Variants in GNAQ observed in about 807,000 individuals in gnomAD.
GNAQ encodes guanine nucleotide-binding protein G(q) subunit alpha.
Under a neutral mutation model 43.9 loss-of-function variants are expected in GNAQ, and 8 were observed. That is an observed-to-expected ratio of 0.18 (90% CI 0.11 to 0.33). The LOEUF (loss-of-function observed/expected upper bound fraction) is 0.33. Among genes scored for constraint, GNAQ ranks in the 10% least tolerant of loss-of-function variants. GNAQ has a pLI of 1.00. For synonymous variants in GNAQ, 155 were observed against 170.7 expected (o/e 0.91, Z 0.71); for missense variants, 158 against 450.8 (o/e 0.35, Z 5.88).
At chr9:77,791,285 C>G (rs1826567296) in intron 5 of GNAQ, among the ~76,000 whole-genome samples, 1 of 152,038 alleles carries the variant, frequency 6.6e-6, no homozygotes, top group African/African-American at 2.4e-5. Context: ...AACAGAAAAT[C>G]AGAAAAATAA....
At chr9:77,799,621 A>G (rs1209937284) in intron 3 of GNAQ, among the ~76,000 whole-genome samples, 1 of 152,252 alleles carries the variant, frequency 6.6e-6, no homozygotes, top group Non-Finnish European at 1.5e-5. Context: ...TAAATCTACA[A>G]GATTCCTGGA....
intron 1 of GNAQ, among the ~76,000 whole-genome samples, chr9:77,991,201 G>GAA (rs1823502892): frequency 6.6e-6 from 1 of 152,166 alleles, no homozygotes; most frequent in African/African-American, 2.4e-5. Flanking sequence ...CAAAGCAGGT[G>GAA]GGTTTAAAAG....
chr9:78,012,624 G>C (rs1340444138), intron 1 of GNAQ, among the ~76,000 whole-genome samples: 1 of 151,972 alleles, frequency 6.6e-6, no homozygotes, highest in Non-Finnish European at 1.5e-5. Flanking sequence ...ATAAATAAAA[G>C]CATATAATTA....
At chr9:77,841,611 G>T (rs1021291227) in intron 2 of GNAQ, among the ~76,000 whole-genome samples, 1 of 152,136 alleles carries the variant, frequency 6.6e-6, no homozygotes, top group Non-Finnish European at 1.5e-5. Context: ...GAAGCTACAA[G>T]AATCATTATT....
chr9:77,956,773 T>C (rs941998888), intron 1 of GNAQ, among the ~76,000 whole-genome samples: 1 of 152,144 alleles, frequency 6.6e-6, no homozygotes, highest in Non-Finnish European at 1.5e-5. Context: ...GTACTCAACA[T>C]TGAATGAGAG....
At chr9:77,977,075 C>CT (rs1024739753) in intron 1 of GNAQ, among the ~76,000 whole-genome samples, 3 of 152,176 alleles carry the variant, frequency 2.0e-5, no homozygotes, top group South Asian at 2.1e-4. Context: ...CAGAGTACCC[C>CT]TTTTTATCTC....
intron 1 of GNAQ, among the ~76,000 whole-genome samples, chr9:77,971,888 T>A (rs116085452): frequency 0.064 from 9,737 of 152,268 alleles, 349 homozygotes; most frequent in African/African-American, 0.083. Context: ...TATGTTGTAT[T>A]CCTAGGTATT....
chr9:77,838,290 C>T (rs922426941), intron 2 of GNAQ, among the ~76,000 whole-genome samples: 15 of 149,602 alleles, frequency 1.0e-4, no homozygotes, highest in East Asian at 7.9e-4. Flanking sequence ...ATTATAGGCA[C>T]GCACCACCAC....
chr9:77,947,243 G>C (rs776704595), intron 1 of GNAQ, among the ~76,000 whole-genome samples: 1 of 152,174 alleles, frequency 6.6e-6, no homozygotes. Flanking sequence ...GAATGAGGGG[G>C]AAGGGTGAGG....
At chr9:77,896,352 A>T (rs1047416889) in intron 2 of GNAQ, among the ~76,000 whole-genome samples, 1 of 152,190 alleles carries the variant, frequency 6.6e-6, no homozygotes, top group Admixed American at 6.5e-5. Context: ...AAACTCCCAT[A>T]AACCTTTCAA....
chr9:77,739,982 C>T (rs1168492165), intron 5 of GNAQ, among the ~76,000 whole-genome samples: 2 of 152,194 alleles, frequency 1.3e-5, no homozygotes, highest in African/African-American at 2.4e-5. Context: ...ACAAAGCACA[C>T]ATCAGCGCAT....
At chr9:77,862,931 C>A (rs1192038952) in intron 2 of GNAQ, among the ~76,000 whole-genome samples, 2 of 152,190 alleles carry the variant, frequency 1.3e-5, no homozygotes, top group Admixed American at 6.5e-5. Context: ...GTAATCCCAG[C>A]ACTTTGGGAG....
At position 77,772,810 on chromosome 9, in the gene GNAQ, G is replaced by T. The variant is rs113017788; in HGVS notation, c.735+21653C>A. ...AACAAATATATGTTATAGATCAAGGGTGTCCAATCTCTTGACTTCCCTGGG... is the reference window on the plus strand; with the variant it reads ...AACAAATATATGTTATAGATCAAGGTTGTCCAATCTCTTGACTTCCCTGGG... On this transcript the variant is annotated intron_variant, in intron 5 of 6. Coordinates refer to ENST00000286548, the MANE Select transcript of GNAQ (RefSeq NM_002072.5). Among the ~76,000 whole-genome samples, 849 of 152,260 alleles carry T rather than the reference G, an allele frequency of 5.6e-3. 1 individual carries two copies. The highest frequency in any genetic ancestry group is 0.019 in the African/African-American group (802 of 41,546).
chr9:77,876,183 T>C (rs1828120678), intron 2 of GNAQ, among the ~76,000 whole-genome samples: 1 of 152,208 alleles, frequency 6.6e-6, no homozygotes, highest in Non-Finnish European at 1.5e-5. Context: ...TCCACAAAGC[T>C]GGCCCCAAGC....
chr9:77,739,070 G>C (rs1486492813), intron 5 of GNAQ, among the ~76,000 whole-genome samples: 4 of 152,102 alleles, frequency 2.6e-5, no homozygotes, highest in African/African-American at 7.2e-5. Flanking sequence ...TTGGTTACAG[G>C]CTACCAAATA....
At chr9:77,810,712 GTGAAACAATCACTTCTATTATTTCA>G (rs1826905277) in intron 3 of GNAQ, among the ~76,000 whole-genome samples, 1 of 152,094 alleles carries the variant, frequency 6.6e-6, no homozygotes, top group South Asian at 2.1e-4. Context: ...CTATTATTTC[GTGAAACAATCACTTCTATTATTTCA>G]TGAAACAATC....
intron 2 of GNAQ, among the ~76,000 whole-genome samples, chr9:77,848,851 C>T (rs1168912469): frequency 6.6e-6 from 1 of 152,132 alleles, no homozygotes; most frequent in Non-Finnish European, 1.5e-5. Flanking sequence ...GGAAAGAACA[C>T]AAGCAACACT....
chr9:77,888,125 A>C (rs1252738151), intron 2 of GNAQ, among the ~76,000 whole-genome samples: 1 of 152,246 alleles, frequency 6.6e-6, no homozygotes, highest in African/African-American at 2.4e-5. Context: ...TCTGATGGCT[A>C]ATGGAATGGG....
At chr9:78,030,840 G>C (rs1276551811) in intron 1 of GNAQ, among the ~76,000 whole-genome samples, 1 of 152,104 alleles carries the variant, frequency 6.6e-6, no homozygotes, top group African/African-American at 2.4e-5. Context: ...AACAAGCCAA[G>C]GCACCGGGCA....
Sources: gnomAD v4.1 joint callset for allele counts (sites outside exome capture counted in the v4.1 genomes callset) on GRCh38, gnomAD v4.1.1 for gene constraint, MANE v1.5 for transcripts, NCBI Gene and HGNC (gene_info 2026-07-23, HGNC 2026-07-21) for gene names.